PBX1: variants seen among roughly 807,000 people sequenced by gnomAD.
The protein encoded by PBX1 is PBX homeobox 1.
In PBX1, 6 loss-of-function variants were observed where a neutral mutation model predicts 53.4. The ratio of observed to expected loss-of-function variants is 0.11; its 90% CI spans 0.06 to 0.22. The LOEUF (loss-of-function observed/expected upper bound fraction) is 0.22, where lower values mean the gene tolerates loss of function less well. PBX1 is among the 10% of genes least tolerant of loss of function. PBX1 has a pLI of 1.00. For missense variants in PBX1, 251 were observed against 551.4 expected (o/e 0.46, Z 5.46); for synonymous variants, 204 against 212.3 (o/e 0.96, Z 0.34).
chr1:164,770,911 T>C (rs1667333394), intron 2 of PBX1: 1 of 152,186 alleles, frequency 6.6e-6, no homozygotes, highest in South Asian at 2.1e-4. Flanking sequence ...CCAATCCTTT[T>C]CAGCAAGGTA....
intron 2 of PBX1, among the ~76,000 whole-genome samples, chr1:164,599,163 C>G (rs996527126): frequency 6.2e-5 from 9 of 144,250 alleles, no homozygotes; most frequent in Non-Finnish European, 1.0e-4. Flanking sequence ...CAATAGATCT[C>G]ATGTCTAACA....
At chr1:164,701,553 C>T (rs1663121786) in intron 2 of PBX1, among the ~76,000 whole-genome samples, 2 of 152,186 alleles carry the variant, frequency 1.3e-5, no homozygotes, top group African/African-American at 2.4e-5. Flanking sequence ...CAAACACTGT[C>T]AATGAATCCC....
At chr1:164,571,546 A>G (rs1214433971) in intron 2 of PBX1, among the ~76,000 whole-genome samples, 1 of 152,118 alleles carries the variant, frequency 6.6e-6, no homozygotes, top group Non-Finnish European at 1.5e-5. Flanking sequence ...GCCAAATACT[A>G]TTCCGCTGTA....
intron 2 of PBX1, among the ~76,000 whole-genome samples, chr1:164,869,548 C>A (rs1672298869): frequency 6.6e-6 from 1 of 152,154 alleles, no homozygotes; most frequent in Non-Finnish European, 1.5e-5. Context: ...TGAGAGTTTA[C>A]CGAGCACCTT....
intron 2 of PBX1, among the ~76,000 whole-genome samples, chr1:164,692,782 A>G (rs187036808): frequency 7.2e-5 from 11 of 152,340 alleles, no homozygotes; most frequent in Admixed American, 3.3e-4. Context: ...TATTAAAATC[A>G]AAGAAATTTT....
chr1:164,734,276 G>A (rs563017837), intron 2 of PBX1, among the ~76,000 whole-genome samples: 2 of 152,130 alleles, frequency 1.3e-5, no homozygotes, highest in Non-Finnish European at 2.9e-5. Flanking sequence ...CTTGAAGGAA[G>A]CATTTCTTGT....
downstream of PBX1, chr1:164,851,950 A>G (rs779750596): frequency 3.2e-5 from 5 of 154,188 alleles, no homozygotes; most frequent in African/African-American, 1.2e-4. Context: ...AAAAGTCTAC[A>G]TACTATGGTG....
At chr1:164,692,037 A>G (rs779282871) in intron 2 of PBX1, among the ~76,000 whole-genome samples, 1 of 152,254 alleles carries the variant, frequency 6.6e-6, no homozygotes, top group Non-Finnish European at 1.5e-5. Flanking sequence ...ACTATTACGT[A>G]TATGCAAAAA....
chr1:164,709,294 G>A lies in PBX1; in HGVS notation c.266-83200G>A, dbSNP rs140482886. Among the ~76,000 whole-genome samples, 35 of 152,292 alleles carry A rather than the reference G, an allele frequency of 2.3e-4. 1 individual carries two copies. The highest frequency in any genetic ancestry group is 4.6e-4 in the Non-Finnish European group (31 of 68,034). The stretch of plus-strand genomic sequence containing the variant: ...CATGGACAAAATGGGAAGCAGGACC[G>A]CTGGAGAAATAGGCCCAGTTGCTTA... On this transcript the variant is annotated intron_variant, in intron 2 of 8. Coordinates refer to ENST00000420696, the MANE Select transcript of PBX1 (RefSeq NM_002585.4).
At chr1:164,786,856 G>A (rs866081235) in intron 2 of PBX1, among the ~76,000 whole-genome samples, 1 of 152,088 alleles carries the variant, frequency 6.6e-6, no homozygotes, top group African/African-American at 2.4e-5. Context: ...AGTGTCGGCT[G>A]TGTCTCATTT....
chr1:164,756,765 T>C (rs1392949079), intron 2 of PBX1, among the ~76,000 whole-genome samples: 3 of 152,370 alleles, frequency 2.0e-5, no homozygotes, highest in Non-Finnish European at 2.9e-5. Flanking sequence ...CGTATACATA[T>C]GTGTAACTAT....
intron 5 of PBX1, among the ~76,000 whole-genome samples, chr1:164,810,566 T>TGA (rs911786375): frequency 5.0e-4 from 76 of 152,314 alleles, no homozygotes; most frequent in African/African-American, 1.8e-3. Context: ...TCTTTCAGCT[T>TGA]GTGCAGTTAT....
At chr1:164,573,095 C>T (rs1653985422) in intron 2 of PBX1, among the ~76,000 whole-genome samples, 1 of 152,124 alleles carries the variant, frequency 6.6e-6, no homozygotes, top group African/African-American at 2.4e-5. Flanking sequence ...TAATGATTTA[C>T]ATTTTCTAGT....
At chr1:164,566,833 C>T (rs1211142867) in intron 2 of PBX1, among the ~76,000 whole-genome samples, 1 of 152,154 alleles carries the variant, frequency 6.6e-6, no homozygotes, top group Admixed American at 6.5e-5. Context: ...AATTTTAGAA[C>T]ATAATAGCTA....
intron 2 of PBX1, among the ~76,000 whole-genome samples, chr1:164,706,011 C>G (rs1274738694): frequency 6.6e-6 from 1 of 152,010 alleles, no homozygotes; most frequent in Admixed American, 6.5e-5. Flanking sequence ...TTGTAATTGG[C>G]CTTTTGGTTT....
At chr1:164,672,986 A>G (rs2101976482) in intron 2 of PBX1, among the ~76,000 whole-genome samples, 1 of 152,062 alleles carries the variant, frequency 6.6e-6, no homozygotes, top group Admixed American at 6.6e-5. Context: ...TTAAAGCCAC[A>G]ATTGTACTTG....
chr1:164,726,058 C>A (rs566554070), intron 2 of PBX1, among the ~76,000 whole-genome samples: 1 of 152,192 alleles, frequency 6.6e-6, no homozygotes, highest in East Asian at 1.9e-4. Context: ...AAGTGTTATA[C>A]TGCCTGGTTT....
At chr1:164,750,486 A>C (rs1666148258) in intron 2 of PBX1, among the ~76,000 whole-genome samples, 1 of 152,126 alleles carries the variant, frequency 6.6e-6, no homozygotes, top group Non-Finnish European at 1.5e-5. Context: ...AATTTTTTTT[A>C]AGCCCACAAT....
intron 8 of PBX1, among the ~76,000 whole-genome samples, chr1:164,830,614 C>A (rs1025880191): frequency 6.6e-6 from 1 of 152,088 alleles, no homozygotes; most frequent in Non-Finnish European, 1.5e-5. Context: ...ATTCATCCAA[C>A]CTAATAATTC....
Sources: allele counts gnomAD v4.1 joint callset (sites outside exome capture counted in the v4.1 genomes callset), GRCh38; gene constraint gnomAD v4.1.1; transcripts MANE v1.5; gene names NCBI Gene and HGNC (gene_info 2026-07-23, HGNC 2026-07-21).